MTFR1: variants seen among roughly 807,000 people sequenced by gnomAD.
The protein encoded by MTFR1 is chondrocyte protein with a poly-proline region.
Under a neutral mutation model 38.8 loss-of-function variants are expected in MTFR1, and 28 were observed. The ratio of observed to expected loss-of-function variants is 0.72; its 90% CI spans 0.53 to 0.99. The LOEUF (loss-of-function observed/expected upper bound fraction) is 0.99, where lower values mean the gene tolerates loss of function less well. Ranked by LOEUF, MTFR1 falls within the 50% of genes least tolerant of loss-of-function variation. The pLI is 0.00. For missense variants in MTFR1, 358 were observed against 395.5 expected, an observed-to-expected ratio of 0.91 and a Z score of 0.81; for synonymous variants, 145 against 137.0, an observed-to-expected ratio of 1.06 and a Z score of -0.41.
intron 4 of MTFR1, among the ~76,000 whole-genome samples, chr8:65,695,755 A>C (rs894895612): frequency 6.6e-6 from 1 of 152,190 alleles, no homozygotes; most frequent in Non-Finnish European, 1.5e-5. Context: ...TTTCTGTGAG[A>C]TATTCACCTT....
At chr8:65,769,390 G>A (rs1296177107) in intron 3 of MTFR1, among the ~76,000 whole-genome samples, 1 of 151,836 alleles carries the variant, frequency 6.6e-6, no homozygotes, top group African/African-American at 2.4e-5. Context: ...CAGAATCATT[G>A]CAACAAAGCT....
intron 3 of MTFR1, chr8:65,734,979 C>G (rs1002013232): frequency 2.0e-5 from 17 of 848,488 alleles, no homozygotes; most frequent in South Asian, 8.7e-5. Context: ...GAGTTACCCA[C>G]TCATACTTTT....
intron 3 of MTFR1, among the ~76,000 whole-genome samples, chr8:65,749,077 A>G (rs988430328): frequency 2.0e-5 from 3 of 152,184 alleles, no homozygotes; most frequent in Non-Finnish European, 4.4e-5. Context: ...TGGGAAGCAC[A>G]TTCAGTACAC....
At chr8:65,764,192 G>C (rs1808654056) in intron 3 of MTFR1, among the ~76,000 whole-genome samples, 1 of 152,110 alleles carries the variant, frequency 6.6e-6, no homozygotes, top group South Asian at 2.1e-4. Flanking sequence ...CAGGAAAAAG[G>C]GACATGGGAT....
chr8:65,732,300 C>T (rs1233930413), intron 3 of MTFR1, among the ~76,000 whole-genome samples: 1 of 151,814 alleles, frequency 6.6e-6, no homozygotes, highest in Non-Finnish European at 1.5e-5. Flanking sequence ...TGCCCAGCCA[C>T]TAACATATTA....
downstream of MTFR1, among the ~76,000 whole-genome samples, chr8:65,712,577 A>G (rs1443780318): frequency 6.6e-6 from 1 of 152,240 alleles, no homozygotes. Flanking sequence ...CACTTACCAT[A>G]TATCAATAGT....
chr8:65,757,985 C>T (rs889560906), intron 3 of MTFR1, among the ~76,000 whole-genome samples: 3 of 152,176 alleles, frequency 2.0e-5, no homozygotes, highest in Non-Finnish European at 4.4e-5. Context: ...TTTATTTACC[C>T]TCAGTTATTA....
At chr8:65,666,220 A>G (rs1804378152) in intron 1 of MTFR1, among the ~76,000 whole-genome samples, 1 of 152,224 alleles carries the variant, frequency 6.6e-6, no homozygotes, top group Non-Finnish European at 1.5e-5. Flanking sequence ...CAGCCTGGCC[A>G]ACATGGTGAA....
chr8:65,647,994 ATCAT>A (rs1809009151), intron 1 of MTFR1, among the ~76,000 whole-genome samples: 1 of 149,592 alleles, frequency 6.7e-6, no homozygotes, highest in African/African-American at 2.5e-5. Flanking sequence ...TGGGCTTTTG[ATCAT>A]TTGTTTGTTT....
the MTFR1 span, among the ~76,000 whole-genome samples, chr8:65,778,138 A>G: frequency 6.6e-6 from 1 of 152,178 alleles, no homozygotes; most frequent in Non-Finnish European, 1.5e-5. Context: ...TCTTCCCTCC[A>G]TGACCCTGAG....
intron 1 of MTFR1, among the ~76,000 whole-genome samples, chr8:65,661,778 A>G (rs373880398): frequency 2.6e-4 from 40 of 152,148 alleles, no homozygotes; most frequent in African/African-American, 8.9e-4. Flanking sequence ...AGCCTGGCCA[A>G]CATGGCAAAA....
chr8:65,664,433 G>A (rs926705351), intron 1 of MTFR1, among the ~76,000 whole-genome samples: 12 of 152,138 alleles, frequency 7.9e-5, no homozygotes, highest in African/African-American at 2.9e-4. Context: ...TGTTAGAATA[G>A]TGGTGGTTAG....
intron 3 of MTFR1, among the ~76,000 whole-genome samples, chr8:65,761,497 C>T (rs920318366): frequency 6.6e-6 from 1 of 152,146 alleles, no homozygotes; most frequent in African/African-American, 2.4e-5. Context: ...ATTTTAAGTC[C>T]CAGGCTTGTG....
chr8:65,692,559 C>T (rs955288220), intron 3 of MTFR1, among the ~76,000 whole-genome samples: 15 of 151,744 alleles, frequency 9.9e-5, no homozygotes, highest in South Asian at 2.1e-4. Context: ...AAGCTGGTTT[C>T]GAACTCCTGA....
Position 65,703,419 on chromosome 8 carries a change from G to GTTTTTTTTTTTTTT in MTFR1, c.282-1256_282-1243dup, listed in dbSNP as rs553260839. 5.9e-5 allele frequency among the ~76,000 whole-genome samples: 3 copies of GTTTTTTTTTTTTTT among 50,954 alleles called. 1 individual carries two copies. Among genetic ancestry groups the GTTTTTTTTTTTTTT allele is most frequent in the African/African-American group, 8.1e-5 (1 of 12,362 alleles). 33.4% of individuals were successfully genotyped at this position (50,954 alleles called of 152,430 possible). On this transcript the variant is annotated intron_variant, in intron 4 of 7. Transcript: ENST00000262146. The stretch of plus-strand genomic sequence containing the variant: ...GGTACATCCATGCTTGATGTCTCTG[G>GTTTTTTTTTTTTTT]TTTTTTTTTTTTTTTTTTTTTTTTT...
At chr8:65,719,208 G>C (rs1249376313) in intron 2 of MTFR1, 15 of 892,334 alleles carry the variant, frequency 1.7e-5, no homozygotes, top group Non-Finnish European at 2.6e-5. Flanking sequence ...TGGCAGTCAA[G>C]AGTTAAGTTC....
chr8:65,759,001 A>G (rs1808366526), intron 3 of MTFR1, among the ~76,000 whole-genome samples: 1 of 152,114 alleles, frequency 6.6e-6, no homozygotes, highest in South Asian at 2.1e-4. Context: ...TGTGTCTGAG[A>G]GGGGGCAAAA....
intron 4 of MTFR1, among the ~76,000 whole-genome samples, chr8:65,695,988 CAGG>C (rs1353471665): frequency 6.6e-6 from 1 of 152,088 alleles, no homozygotes; most frequent in East Asian, 1.9e-4. Context: ...AGCTAAGCGG[CAGG>C]AGAAGACCTG....
chr8:65,751,244 C>T (rs1331946324), intron 3 of MTFR1, among the ~76,000 whole-genome samples: 1 of 152,076 alleles, frequency 6.6e-6, no homozygotes, highest in Non-Finnish European at 1.5e-5. Context: ...AAAGTTTTGT[C>T]TAAGATTTAA....
Sources: gnomAD v4.1 joint callset for allele counts (sites outside exome capture counted in the v4.1 genomes callset) on GRCh38, gnomAD v4.1.1 for gene constraint, MANE v1.5 for transcripts, NCBI Gene and HGNC (gene_info 2026-07-23, HGNC 2026-07-21) for gene names.